Variants in SLC12A2 observed in about 807,000 individuals in gnomAD.
SLC12A2 encodes the protein Na-K-2Cl cotransporter 1.
Under a neutral mutation model 136.3 loss-of-function variants are expected in SLC12A2, and 67 were observed. The observed-to-expected ratio is 0.49, with a 90% CI of 0.40 to 0.60. The LOEUF (loss-of-function observed/expected upper bound fraction) is 0.60. Ranked by LOEUF, SLC12A2 falls within the 20% of genes least tolerant of loss-of-function variation. SLC12A2 has a pLI of 0.00. For missense variants in SLC12A2, 1,322 were observed against 1,534.7 expected (o/e 0.86, Z 2.32); for synonymous variants, 619 against 562.9 (o/e 1.10, Z -1.41).
intron 1 of SLC12A2, among the ~76,000 whole-genome samples, chr5:128,090,372 G>T (rs1161137854): frequency 1.3e-5 from 2 of 152,000 alleles, no homozygotes; most frequent in Non-Finnish European, 2.9e-5. Context: ...AGAGTTTCTT[G>T]GTTCTTATGT....
intron 11 of SLC12A2, 118 bp from the exon 12 acceptor site, chr5:128,148,636 A>G (rs1328905512): frequency 2.5e-6 from 2 of 785,574 alleles, no homozygotes; most frequent in East Asian, 2.7e-5. Flanking sequence ...GGGACAGGAT[A>G]AAAGAGATGA....
chr5:128,091,206 G>A (rs2126640351), intron 1 of SLC12A2, among the ~76,000 whole-genome samples: 1 of 152,160 alleles, frequency 6.6e-6, no homozygotes, highest in South Asian at 2.1e-4. Flanking sequence ...TTGGATGAGG[G>A]GATGTATGGA....
Position 128,126,970 on chromosome 5 carries a change from T to A in SLC12A2, c.1049-4097T>A, listed in dbSNP as rs528487270. On this transcript the variant is annotated intron_variant, in intron 4 of 26. Transcript: ENST00000262461. ...TATATATATATATATATATATATTT[T>A]TTTTTTTTTTTTTTTTTGCATCTAA... is the stretch of plus-strand genomic sequence containing the variant. 9.0e-3 allele frequency among the ~76,000 whole-genome samples: 843 copies of A among 93,842 alleles called. 43 individuals carry two copies. The highest frequency in any genetic ancestry group is 0.053 in the African/African-American group (780 of 14,850). 61.6% of individuals were successfully genotyped at this position (93,842 alleles called of 152,430 possible). A position where few individuals can be genotyped will look rare whatever the true frequency, so the allele number is the denominator to read the frequency against.
Position 128,112,871 on chromosome 5 carries a change from G to T in SLC12A2, c.814G>T (p.Val272Leu). The T allele has an allele frequency of 6.2e-7, 1 of 1,612,810 alleles. No individual in the cohort carries two copies. The highest frequency in any genetic ancestry group is 8.5e-7 in the Non-Finnish European group (1 of 1,178,906). Residue 272 changes from valine to leucine, a missense_variant, in exon 2 of 27, where the codon GTG (valine) becomes TTG (leucine). By Grantham distance (32) the Val-to-Leu change is conservative. Around this residue, in one of 8 missense-constraint regions of SLC12A2, gnomAD observed 59 missense variants for 51.5 expected, o/e 1.15. Transcript: ENST00000262461. Reference sequence around the variant, plus strand: ...AGAAAGTACTCCAACCAGAGATGCTGTGGTCACGTATACTGCAGAAAGTAA... The same window carrying T: ...AGAAAGTACTCCAACCAGAGATGCTTTGGTCACGTATACTGCAGAAAGTAA... ...GEESTPTRDA[V>L]VTYTAESKGV...
intron 5 of SLC12A2, among the ~76,000 whole-genome samples, chr5:128,131,732 G>A (rs1234325391): frequency 2.0e-5 from 3 of 152,044 alleles, no homozygotes; most frequent in Non-Finnish European, 4.4e-5. Context: ...ACAGCCGGGC[G>A]TGGTGGCTCA....
chr5:128,146,638 T>C (rs554316163), intron 10 of SLC12A2, among the ~76,000 whole-genome samples: 2 of 151,734 alleles, frequency 1.3e-5, no homozygotes, highest in South Asian at 4.2e-4. Context: ...GCTTTATCAG[T>C]TATCAATGCA....
intron 15 of SLC12A2, 53 bp downstream of exon 15, chr5:128,152,858 G>A: frequency 9.3e-7 from 1 of 1,072,594 alleles, no homozygotes; most frequent in South Asian, 1.3e-5. Context: ...TGGCCAGTCA[G>A]TTCTTATTTT....
chr5:128,178,917 C>CT (rs1008109366), intron 22 of SLC12A2, among the ~76,000 whole-genome samples: 4 of 152,006 alleles, frequency 2.6e-5, no homozygotes, highest in African/African-American at 9.7e-5. Context: ...ATGACCTTAA[C>CT]TTTTTTTTAA....
At chr5:128,125,004 C>A (rs951446219) in intron 4 of SLC12A2, among the ~76,000 whole-genome samples, 5 of 152,200 alleles carry the variant, frequency 3.3e-5, no homozygotes, top group African/African-American at 1.2e-4. Context: ...AGCTCTGTTG[C>A]AGTAACCTTG....
intron 1 of SLC12A2, among the ~76,000 whole-genome samples, chr5:128,094,741 G>C (rs570412789): frequency 6.6e-6 from 1 of 152,128 alleles, no homozygotes; most frequent in Middle Eastern, 3.4e-3. Context: ...GCCATCCCCT[G>C]TCCATATCTT....
At chr5:128,095,715 A>G (rs1394690603) in intron 1 of SLC12A2, among the ~76,000 whole-genome samples, 1 of 152,112 alleles carries the variant, frequency 6.6e-6, no homozygotes, top group Non-Finnish European at 1.5e-5. Context: ...GCTATTATTA[A>G]TGTTAGTGTA....
Position 128,084,167 on chromosome 5 carries a change from C to T in SLC12A2, c.213C>T (p.Pro71=). 1 of 1,297,252 alleles carries T rather than the reference C, an allele frequency of 7.7e-7. No individual in the cohort carries two copies. The highest frequency in any genetic ancestry group is 9.7e-7 in the Non-Finnish European group (1 of 1,030,812). The allele number at this position is 1,297,252 out of a possible 1,614,324, so 80.4% of individuals were successfully genotyped here. Residue 71 remains proline (P), a synonymous_variant, in exon 1 of 27, where the codon CCC becomes CCT. Coordinates refer to ENST00000262461, the MANE Select transcript of SLC12A2 (RefSeq NM_001046.3). The surrounding 1 kb of genome is among the most constrained non-coding windows in gnomAD (Gnocchi z 5.6). ...CGGCCGGGGACGGGCTGGGCAGACCCTTGGGGCCCACCCCGAGCCAGAGCC... is the reference window on the plus strand; with the variant it reads ...CGGCCGGGGACGGGCTGGGCAGACCTTTGGGGCCCACCCCGAGCCAGAGCC... ...PAAAGDGLGR[P]LGPTPSQSRF... is the part of the protein sequence containing the mutation.
intron 1 of SLC12A2, among the ~76,000 whole-genome samples, chr5:128,101,477 A>G (rs930057654): frequency 2.0e-5 from 3 of 152,172 alleles, no homozygotes; most frequent in South Asian, 2.1e-4. Flanking sequence ...AATAAATGGC[A>G]TTTTTAGGTG....
intron 10 of SLC12A2, among the ~76,000 whole-genome samples, chr5:128,147,016 A>T (rs757313568): frequency 6.6e-6 from 1 of 151,632 alleles, no homozygotes; most frequent in Non-Finnish European, 1.5e-5. Flanking sequence ...ATAAAAGGAA[A>T]AGGAAATGTG....
chr5:128,168,423 G>A (rs1763271241), intron 18 of SLC12A2: 3 of 151,906 alleles, frequency 2.0e-5, no homozygotes, highest in African/African-American at 7.3e-5. Flanking sequence ...TCCGTTTTTT[G>A]CGTTGTCTAG....
chr5:128,128,827 G>A (rs1238660098), intron 4 of SLC12A2, among the ~76,000 whole-genome samples: 2 of 150,416 alleles, frequency 1.3e-5, no homozygotes, highest in African/African-American at 4.9e-5. Flanking sequence ...AAAACCTCTA[G>A]GAAATAGGAA....
chr5:128,140,814 T>C (rs1762341731), intron 9 of SLC12A2, among the ~76,000 whole-genome samples: 1 of 151,966 alleles, frequency 6.6e-6, no homozygotes, highest in African/African-American at 2.4e-5. Context: ...TCCCCAGTTG[T>C]TTCAGAGGTA....
intron 22 of SLC12A2, among the ~76,000 whole-genome samples, chr5:128,178,985 A>T (rs1189025064): frequency 6.6e-6 from 1 of 152,122 alleles, no homozygotes; most frequent in Non-Finnish European, 1.5e-5. Context: ...GTTTTATTAT[A>T]ATTAGTTTTA....
intron 4 of SLC12A2, among the ~76,000 whole-genome samples, chr5:128,119,352 T>C (rs911826459): frequency 1.3e-5 from 2 of 152,214 alleles, no homozygotes; most frequent in Admixed American, 1.3e-4. Flanking sequence ...TGTTTATTGT[T>C]TAGTAATTTT....
Sources: gnomAD v4.1 joint callset for allele counts (sites outside exome capture counted in the v4.1 genomes callset) on GRCh38, gnomAD v4.1.1 for gene constraint, gnomAD v4.1.1 regional missense constraint, Gnocchi (gnomAD v3.1) non-coding constraint, MANE v1.5 for transcripts, NCBI Gene and HGNC (gene_info 2026-07-23, HGNC 2026-07-21) for gene names.